The following SOX6 variants were observed in gnomAD, a reference collection of about 807,000 sequenced individuals.
SOX6 encodes the protein SRY-box transcription factor 6.
In SOX6, 11 loss-of-function variants were observed where a neutral mutation model predicts 97.8. The ratio of observed to expected loss-of-function variants is 0.11; its 90% confidence interval spans 0.07 to 0.19. The LOEUF is 0.19. SOX6 is among the 10% of genes least tolerant of loss of function. The probability of loss-of-function intolerance (pLI) is 1.00; values close to 1 mark genes in which losing one functional copy is unlikely to be tolerated. For missense variants in SOX6, 810 were observed against 1,039.5 expected (o/e 0.78, Z 3.04); for synonymous variants, 360 against 371.4 (o/e 0.97, Z 0.35).
chr11:16,118,211 G>A (rs1849400864), intron 6 of SOX6, among the ~76,000 whole-genome samples: 1 of 152,194 alleles, frequency 6.6e-6, no homozygotes, highest in Non-Finnish European at 1.5e-5. Flanking sequence ...GTGAAGCTTA[G>A]TGTATCATGA....
chr11:16,460,046 A>AG (rs925259362), intron 1 of SOX6, among the ~76,000 whole-genome samples: 6 of 151,878 alleles, frequency 4.0e-5, no homozygotes, highest in Non-Finnish European at 8.8e-5. Flanking sequence ...AACAGTGATA[A>AG]GGGGGGGAAA....
intron 4 of SOX6, among the ~76,000 whole-genome samples, chr11:16,232,744 T>C (rs924950772): frequency 3.3e-5 from 5 of 152,106 alleles, no homozygotes; most frequent in Non-Finnish European, 7.4e-5. Flanking sequence ...ACCATTTCTG[T>C]TCTCACTGTT....
intron 3 of SOX6, among the ~76,000 whole-genome samples, chr11:16,659,951 T>C (rs1455640287): frequency 1.3e-5 from 2 of 152,164 alleles, no homozygotes; most frequent in African/African-American, 2.4e-5. Context: ...TTAATGTTCA[T>C]GGAATCAGTA....
At chr11:16,084,904 G>T (rs1284152149) in intron 9 of SOX6, among the ~76,000 whole-genome samples, 1 of 152,170 alleles carries the variant, frequency 6.6e-6, no homozygotes, top group Non-Finnish European at 1.5e-5. Context: ...ATAGGTGAAT[G>T]ATAGATGACT....
At chr11:16,620,014 A>G (rs1330200699) in intron 3 of SOX6, among the ~76,000 whole-genome samples, 1 of 152,172 alleles carries the variant, frequency 6.6e-6, no homozygotes, top group Non-Finnish European at 1.5e-5. Flanking sequence ...CAATTTATAT[A>G]AAGACCATTA....
intron 3 of SOX6, chr11:16,315,610 A>G (rs1305119649): frequency 6.6e-6 from 1 of 152,198 alleles, no homozygotes; most frequent in Non-Finnish European, 1.5e-5. Flanking sequence ...ACTATCTTCC[A>G]AGGGAGAATA....
At chr11:16,083,773 C>T (rs1214802725) in intron 9 of SOX6, among the ~76,000 whole-genome samples, 8 of 152,134 alleles carry the variant, frequency 5.3e-5, no homozygotes, top group Non-Finnish European at 1.0e-4. Context: ...GTATAAAGCA[C>T]TTTTCACAAA....
chr11:15,982,583 T>G (rs949348979), intron 15 of SOX6, among the ~76,000 whole-genome samples: 2 of 152,064 alleles, frequency 1.3e-5, no homozygotes, highest in Admixed American at 6.6e-5. Flanking sequence ...CCCTATATAC[T>G]TTAAACAATC....
chr11:16,696,811 C>A (rs927077501), intron 3 of SOX6, among the ~76,000 whole-genome samples: 1 of 152,084 alleles, frequency 6.6e-6, no homozygotes, highest in Non-Finnish European at 1.5e-5. Context: ...TAAAATAAGA[C>A]AACAATGAAG....
chr11:16,431,411 A>C (rs1188320618), intron 1 of SOX6, among the ~76,000 whole-genome samples: 1 of 152,152 alleles, frequency 6.6e-6, no homozygotes, highest in South Asian at 2.1e-4. Flanking sequence ...TCCATACAAC[A>C]AACTAGACAA....
chr11:16,136,600 T>A (rs904265154), intron 6 of SOX6, among the ~76,000 whole-genome samples: 1 of 151,986 alleles, frequency 6.6e-6, no homozygotes, highest in South Asian at 2.1e-4. Context: ...CCCAACTAAT[T>A]TTTTAAAAAA....
intron 1 of SOX6, chr11:16,738,355 T>G (rs1325729863): frequency 4.9e-6 from 1 of 205,538 alleles, no homozygotes; most frequent in Non-Finnish European, 1.0e-5. Context: ...TAGGGCAGCG[T>G]TGCACGGTGA....
chr11:16,716,284 C>G (rs975845060), intron 2 of SOX6, among the ~76,000 whole-genome samples: 4 of 152,070 alleles, frequency 2.6e-5, no homozygotes, highest in Non-Finnish European at 5.9e-5. Flanking sequence ...TGGTATGCAC[C>G]TATAGTCTCA....
At chr11:16,349,050 T>C (rs917579865) in intron 1 of SOX6, among the ~76,000 whole-genome samples, 1 of 152,100 alleles carries the variant, frequency 6.6e-6, no homozygotes, top group Non-Finnish European at 1.5e-5. Context: ...TAAATTAATA[T>C]TAAAGGACTG....
At chr11:16,137,894 C>A (rs1193012807) in intron 6 of SOX6, among the ~76,000 whole-genome samples, 1 of 152,124 alleles carries the variant, frequency 6.6e-6, no homozygotes, top group Non-Finnish European at 1.5e-5. Flanking sequence ...CTCTCTCCTG[C>A]CACCCTGTGA....
intron 3 of SOX6, among the ~76,000 whole-genome samples, chr11:16,310,051 T>A (rs1013197500): frequency 1.3e-5 from 2 of 152,082 alleles, no homozygotes; most frequent in African/African-American, 4.8e-5. Context: ...CCCAGATTCT[T>A]AGAGAAAGAA....
At chr11:16,377,074 G>A (rs1857662981) in intron 1 of SOX6, among the ~76,000 whole-genome samples, 1 of 151,676 alleles carries the variant, frequency 6.6e-6, no homozygotes, top group African/African-American at 2.4e-5. Context: ...TATTGAAGAT[G>A]TTGGCATTTG....
At chr11:16,022,847 A>C (rs1855108501) in intron 12 of SOX6, among the ~76,000 whole-genome samples, 1 of 152,142 alleles carries the variant, frequency 6.6e-6, no homozygotes, top group South Asian at 2.1e-4. Flanking sequence ...GTATGATAAG[A>C]ACCAAACTTC....
At chr11:16,524,278 C>G (rs536050086) in intron 4 of SOX6, among the ~76,000 whole-genome samples, 1 of 151,504 alleles carries the variant, frequency 6.6e-6, no homozygotes, top group African/African-American at 2.4e-5. Context: ...AGCTTATCCA[C>G]CATGATCAAG....
Sources: allele counts gnomAD v4.1 joint callset (sites outside exome capture counted in the v4.1 genomes callset), GRCh38; gene constraint gnomAD v4.1.1; transcripts MANE v1.5; gene names NCBI Gene and HGNC (gene_info 2026-07-23, HGNC 2026-07-21).